The following RABGAP1 variants were observed in gnomAD, a reference collection of about 807,000 sequenced individuals.
The protein encoded by RABGAP1 is RAB GTPase activating protein 1.
Under a neutral mutation model 137.6 loss-of-function variants are expected in RABGAP1, and 23 were observed. That is an observed-to-expected ratio of 0.17 (90% CI 0.12 to 0.24). The LOEUF (loss-of-function observed/expected upper bound fraction) is 0.24. Ranked by LOEUF, RABGAP1 falls within the 10% of genes least tolerant of loss-of-function variation. The pLI is 1.00. For missense variants in RABGAP1, 906 were observed against 1,275.8 expected, an observed-to-expected ratio of 0.71 and a Z score of 4.42; for synonymous variants, 451 against 450.7, an observed-to-expected ratio of 1.00 and a Z score of -0.01.
At chr9:123,076,362 T>G in intron 18 of RABGAP1, 76 bp downstream of exon 18, 1 of 1,493,958 alleles carries the variant, frequency 6.7e-7, no homozygotes, top group African/African-American at 1.4e-5. Context: ...GTAGTCTCAT[T>G]CTGAGCAGTC....
At chr9:122,955,827 A>C (rs1834488257) in intron 1 of RABGAP1, among the ~76,000 whole-genome samples, 1 of 152,160 alleles carries the variant, frequency 6.6e-6, no homozygotes, top group Non-Finnish European at 1.5e-5. Context: ...CCAAAGCATA[A>C]ATCAGGACTT....
intron 13 of RABGAP1, among the ~76,000 whole-genome samples, chr9:123,023,636 TAC>T (rs2031783782): frequency 6.6e-6 from 1 of 151,798 alleles, no homozygotes; most frequent in Admixed American, 6.5e-5. Flanking sequence ...ATGAATAAAT[TAC>T]ACTTTAAAAA....
At chr9:123,017,131 A>C (rs1468252280) in intron 12 of RABGAP1, among the ~76,000 whole-genome samples, 1 of 152,162 alleles carries the variant, frequency 6.6e-6, no homozygotes, top group East Asian at 1.9e-4. Flanking sequence ...TTGAGTTTGG[A>C]GTGTTTGGGA....
intron 13 of RABGAP1, among the ~76,000 whole-genome samples, chr9:123,036,743 G>A (rs2032682789): frequency 6.6e-6 from 1 of 151,498 alleles, no homozygotes; most frequent in African/African-American, 2.4e-5. Context: ...AGAGGAGAAG[G>A]GAAAACACTT....
Position 123,059,310 on chromosome 9 carries a change from T to A in RABGAP1, c.1795-6038T>A, listed in dbSNP as rs551143006. The stretch of plus-strand genomic sequence containing the variant: ...TGGCTCACACCTGTAATCCCAGCAC[T>A]TTGGGAGGCCGAGGCGGGCGGATCA... On this transcript the variant is annotated intron_variant, in intron 13 of 25. Transcript: ENST00000373647. 2.2e-3 allele frequency among the ~76,000 whole-genome samples: 338 copies of A among 152,184 alleles called. 2 individuals carry two copies. Among genetic ancestry groups the A allele is most frequent in the African/African-American group, 7.4e-3 (307 of 41,530 alleles).
intron 1 of RABGAP1, among the ~76,000 whole-genome samples, chr9:122,956,703 AT>A (rs1259996537): frequency 6.6e-6 from 1 of 151,958 alleles, no homozygotes; most frequent in African/African-American, 2.4e-5. Flanking sequence ...ATACTTATAT[AT>A]TTTTGGAGGC....
intron 5 of RABGAP1, chr9:122,989,802 ATAGT>A (rs1344328267): frequency 2.0e-6 from 1 of 508,936 alleles, no homozygotes; most frequent in African/African-American, 1.9e-5. Context: ...ATATCTTCAG[ATAGT>A]TTCTAACAAT....
intron 19 of RABGAP1, 170 bp from the exon 20 acceptor site, chr9:123,089,588 T>C (rs1279617143): frequency 3.5e-6 from 2 of 564,598 alleles, no homozygotes; most frequent in East Asian, 2.8e-5. Context: ...GAATTTGGGG[T>C]CCTGGGCTTA....
intron 2 of RABGAP1, among the ~76,000 whole-genome samples, chr9:122,971,357 C>T (rs1466917817): frequency 6.6e-6 from 1 of 152,140 alleles, no homozygotes; most frequent in East Asian, 1.9e-4. Flanking sequence ...CAGAACTACT[C>T]TGGAAGAACA....
chr9:123,073,616 T>G lies in RABGAP1; in HGVS notation c.2048T>G (p.Leu683Arg), dbSNP rs1194483837. Reference sequence around the variant, plus strand: ...ATGTTTGACTATGGGCTCAGGGAACTTTTCAAGCAAAACTTCGAAGATTTG... The same window carrying G: ...ATGTTTGACTATGGGCTCAGGGAACGTTTCAAGCAAAACTTCGAAGATTTG... ...KIMFDYGLRE[L>R]FKQNFEDLHC... Residue 683 changes from leucine (L) to arginine (R), a missense_variant, in exon 16 of 26, where the codon CTT becomes CGT. Transcript: ENST00000373647. The G allele has an allele frequency of 6.2e-7, 1 of 1,613,952 alleles. No individual in the cohort carries two copies. The highest frequency in any genetic ancestry group is 8.5e-7 in the Non-Finnish European group (1 of 1,179,842).
intron 13 of RABGAP1, chr9:123,034,896 A>C: frequency 6.2e-7 from 1 of 1,613,450 alleles, no homozygotes. Context: ...TTGTAGTATC[A>C]GTTCTGAAGA....
At position 123,101,779 on chromosome 9, in the gene RABGAP1, C is replaced by A; in HGVS notation, c.3087+16C>A. 1 of 1,569,016 alleles carries A rather than the reference C, an allele frequency of 6.4e-7. No individual in the cohort carries two copies. On this transcript the variant is annotated intron_variant, in intron 25 of 25. Transcript: ENST00000373647. ...TAAGATACAGGTAACAGCAGCAGAG[C>A]TCAGACATGTGCCTGCGGGCTGGGT...
chr9:122,986,375 A>G lies in RABGAP1; in HGVS notation c.546A>G (p.Leu182=). 6.2e-7 allele frequency: 1 copy of G among 1,614,146 alleles called. No homozygotes were observed. Among genetic ancestry groups the G allele is most frequent in the Middle Eastern group, 1.6e-4 (1 of 6,062 alleles). ...SILRSQCQIS[L]DVTLSVPNVS... ...TAAGAAGCCAGTGTCAGATTTCACT[A>G]GATGTTACCCTTTCAGTGCCGAATG... Residue 182 remains leucine (L), a synonymous_variant, in exon 4 of 26, where the codon CTA becomes CTG. Transcript: ENST00000373647.
At chr9:123,059,656 A>G (rs970513149) in intron 13 of RABGAP1, among the ~76,000 whole-genome samples, 1 of 152,200 alleles carries the variant, frequency 6.6e-6, no homozygotes, top group African/African-American at 2.4e-5. Flanking sequence ...CATGAGGGCA[A>G]AGTCCTTATG....
chr9:123,091,142 C>T (rs887487264), intron 21 of RABGAP1, among the ~76,000 whole-genome samples: 7 of 152,320 alleles, frequency 4.6e-5, no homozygotes, highest in Non-Finnish European at 8.8e-5. Flanking sequence ...AAACAAGTGA[C>T]AGGCTGGATT....
In RABGAP1 at chr9:123,104,252, T is replaced by A. The variant is rs1160859296; in HGVS notation, c.*1039T>A. On this transcript the variant is annotated 3_prime_UTR_variant, in exon 26 of 26. Coordinates refer to ENST00000373647, the MANE Select transcript of RABGAP1 (RefSeq NM_012197.4). ...AGACTGAGTTGCGTGTCTGTAAATG[T>A]CTGCGCAGGGTGCACATGCTGCGAG... The A allele has an allele frequency of 1.3e-5, 2 of 152,564 alleles. No individual in the cohort carries two copies. The highest frequency in any genetic ancestry group is 4.8e-5 in the African/African-American group (2 of 41,400). The allele number at this position is 152,564 out of a possible 1,614,324, so 9.5% of individuals were successfully genotyped here.
chr9:122,957,528 T>C (rs999838518), intron 2 of RABGAP1, among the ~76,000 whole-genome samples: 3 of 152,208 alleles, frequency 2.0e-5, no homozygotes, highest in Non-Finnish European at 4.4e-5. Context: ...CTGGTTTACA[T>C]AATGTAAGGG....
chr9:123,028,667 A>G (rs2032123559), intron 13 of RABGAP1, among the ~76,000 whole-genome samples: 1 of 152,326 alleles, frequency 6.6e-6, no homozygotes, highest in South Asian at 2.1e-4. Flanking sequence ...CAGAAGGCAT[A>G]TTTAAGGTTT....
At position 122,966,543 on chromosome 9, in the gene RABGAP1, TAAAG is replaced by T. The variant is rs1213343284; in HGVS notation, c.150+9335_150+9338del. On this transcript the variant is annotated intron_variant, in intron 2 of 25. Coordinates refer to ENST00000373647, the MANE Select transcript of RABGAP1 (RefSeq NM_012197.4). ...CATCTCGAAAAAATAAAAAAATAAA[TAAAG>T]CTATAGAATTAGATGAGACCACTCA... 3.3e-5 allele frequency among the ~76,000 whole-genome samples: 5 copies of T among 151,754 alleles called. No homozygotes were observed. In the East Asian group the frequency reaches 9.7e-4, roughly 29 times the overall value.
Sources: allele counts gnomAD v4.1 joint callset (sites outside exome capture counted in the v4.1 genomes callset), GRCh38; gene constraint gnomAD v4.1.1; transcripts MANE v1.5; gene names NCBI Gene and HGNC (gene_info 2026-07-23, HGNC 2026-07-21).